The following FHIT variants were observed in gnomAD, a reference collection of about 807,000 sequenced individuals.
FHIT encodes bis(5'-adenosyl)-triphosphatase.
In FHIT, 19 loss-of-function variants were observed where a neutral mutation model predicts 17.9. The ratio of observed to expected loss-of-function variants is 1.06; its 90% CI spans 0.74 to 1.56. The LOEUF is 1.56. FHIT is among the 40% of genes most tolerant of loss of function. FHIT has a pLI of 0.00. For synonymous variants in FHIT, 81 were observed against 69.7 expected (o/e 1.16, Z -0.81); for missense variants, 248 against 189.2 (o/e 1.31, Z -1.82).
At chr3:60,528,366 T>C (rs1424541931) in intron 5 of FHIT, among the ~76,000 whole-genome samples, 2 of 152,004 alleles carry the variant, frequency 1.3e-5, no homozygotes, top group African/African-American at 4.8e-5. Context: ...GTTATATGTA[T>C]ATAAATATAC....
At chr3:60,337,244 A>AT (rs911283738) in intron 5 of FHIT, among the ~76,000 whole-genome samples, 93 of 149,964 alleles carry the variant, frequency 6.2e-4, no homozygotes, top group Admixed American at 2.1e-3. Context: ...TGCCTTCTCT[A>AT]TTTTTTTTTT....
intron 5 of FHIT, among the ~76,000 whole-genome samples, chr3:60,429,199 A>G (rs974472334): frequency 6.6e-6 from 1 of 152,076 alleles, no homozygotes; most frequent in Non-Finnish European, 1.5e-5. Flanking sequence ...TATGAAAAAT[A>G]AACCAGGAGG....
At chr3:60,614,956 G>C (rs1163007981) in intron 4 of FHIT, among the ~76,000 whole-genome samples, 1 of 150,840 alleles carries the variant, frequency 6.6e-6, no homozygotes, top group Non-Finnish European at 1.5e-5. Context: ...CAGTCTCCCG[G>C]GTAGCTGGGA....
chr3:59,821,091 C>CCTCT (rs1700770733), intron 8 of FHIT, among the ~76,000 whole-genome samples: 2 of 152,066 alleles, frequency 1.3e-5, no homozygotes, highest in African/African-American at 4.8e-5. Context: ...AGAGGTGGGG[C>CCTCT]TGGAGGTCAA....
rs115210865 is a variant in FHIT at position 60,150,766 on chromosome 3, A to C, written c.104-136614T>G. 6.1e-3 allele frequency among the ~76,000 whole-genome samples: 931 copies of C among 152,206 alleles called. 6 individuals carry two copies. The highest frequency in any genetic ancestry group is 9.9e-3 in the Non-Finnish European group (670 of 68,006). ...AACCCCTTCTCTATTAAAAAGATAA[A>C]AACTTAGCCAAGCATGGTGGCGCAT... On this transcript the variant is annotated intron_variant, in intron 5 of 9. Transcript: ENST00000492590.
rs150471072 is a variant in FHIT at position 60,950,641 on chromosome 3, C to T, written c.-111+91406G>A. On this transcript the variant is annotated intron_variant, in intron 3 of 9. Transcript: ENST00000492590. ...AAGTGATTCTCCTGCCTCAGTCTCC[C>T]AAGTAGCTGGGATTACAGGCACGCA... Among the ~76,000 whole-genome samples, 1,488 of 151,988 alleles carry T rather than the reference C, an allele frequency of 9.8e-3. 19 individuals carry two copies. The highest frequency in any genetic ancestry group is 0.033 in the African/African-American group (1,385 of 41,440).
intron 7 of FHIT, 51 bp downstream of exon 7, chr3:60,011,320 A>G (rs1264109904): frequency 6.4e-7 from 1 of 1,564,530 alleles, no homozygotes; most frequent in South Asian, 1.1e-5. Flanking sequence ...ATTTTTTATT[A>G]GTTCTCATAA....
intron 5 of FHIT, among the ~76,000 whole-genome samples, chr3:60,297,249 T>C (rs1321737885): frequency 6.6e-6 from 1 of 152,140 alleles, no homozygotes; most frequent in Non-Finnish European, 1.5e-5. Context: ...ACATATTTAC[T>C]ATGATGAATC....
chr3:59,876,239 T>G (rs1703153917), intron 8 of FHIT, among the ~76,000 whole-genome samples: 1 of 152,146 alleles, frequency 6.6e-6, no homozygotes, highest in East Asian at 1.9e-4. Flanking sequence ...TAAATATATA[T>G]TCATTAATTA....
chr3:59,823,633 G>C (rs113173203), intron 8 of FHIT, among the ~76,000 whole-genome samples: 11,651 of 152,110 alleles, frequency 0.077, 531 homozygotes, highest in Non-Finnish European at 0.11. Context: ...CAAAGCATTT[G>C]ACAAAATCCA....
chr3:60,513,762 C>A (rs1299592868), intron 5 of FHIT, among the ~76,000 whole-genome samples: 1 of 151,910 alleles, frequency 6.6e-6, no homozygotes, highest in Non-Finnish European at 1.5e-5. Context: ...AGCCTGGACC[C>A]ATGGCCTTAA....
rs367653872 is a variant in FHIT, at chr3:60,682,128, C to T, written c.-18+139791G>A. 8.0e-4 allele frequency among the ~76,000 whole-genome samples: 122 copies of T among 152,192 alleles called. 1 individual carries two copies. The South Asian group carries it at 0.024, about 30-fold the overall frequency. ...CTGGGATTACAGGTGCCCACCACTA[C>T]GCCCTGCTAATTTTTTGTATTTTTA... On this transcript the variant is annotated intron_variant, in intron 4 of 9. Transcript: ENST00000492590.
chr3:59,943,540 T>C (rs1264574792), intron 7 of FHIT, among the ~76,000 whole-genome samples: 2 of 152,048 alleles, frequency 1.3e-5, no homozygotes, highest in Non-Finnish European at 2.9e-5. Flanking sequence ...CAAATGGAAG[T>C]AAGAACAACT....
intron 3 of FHIT, among the ~76,000 whole-genome samples, chr3:60,892,160 G>C (rs1705546216): frequency 6.6e-6 from 1 of 152,150 alleles, no homozygotes; most frequent in African/African-American, 2.4e-5. Context: ...CACTTTTAAA[G>C]CCTGAAATTT....
chr3:61,101,663 G>T (rs1007976601), intron 2 of FHIT, among the ~76,000 whole-genome samples: 6 of 152,028 alleles, frequency 3.9e-5, no homozygotes, highest in Admixed American at 6.6e-5. Context: ...CATTTTAATG[G>T]TATTGATTCT....
chr3:60,119,766 T>C (rs1705162431), intron 5 of FHIT, among the ~76,000 whole-genome samples: 1 of 152,148 alleles, frequency 6.6e-6, no homozygotes, highest in African/African-American at 2.4e-5. Flanking sequence ...CCTTCCCAGT[T>C]TTAAAACTTC....
chr3:60,308,496 GTATATATATA>G (rs5849349), intron 5 of FHIT, among the ~76,000 whole-genome samples: 45,364 of 140,852 alleles, frequency 0.32, 8,116 homozygotes, highest in East Asian at 0.84. Context: ...AGGTGTATGT[GTATATATATA>G]TATATATATA....
chr3:61,226,910 C>T (rs969814736), intron 1 of FHIT, among the ~76,000 whole-genome samples: 7 of 152,202 alleles, frequency 4.6e-5, no homozygotes, highest in Middle Eastern at 3.4e-3. Flanking sequence ...ACAGCCCCTG[C>T]CCTCTTAGAG....
At chr3:60,057,202 C>T (rs1220236935) in intron 5 of FHIT, among the ~76,000 whole-genome samples, 1 of 152,168 alleles carries the variant, frequency 6.6e-6, no homozygotes. Flanking sequence ...AACCTTACCA[C>T]AAAACTTTGA....
Sources: allele counts gnomAD v4.1 joint callset (sites outside exome capture counted in the v4.1 genomes callset), GRCh38; gene constraint gnomAD v4.1.1; transcripts MANE v1.5; gene names NCBI Gene and HGNC (gene_info 2026-07-23, HGNC 2026-07-21).